The following STARD13 variants were observed in gnomAD, a reference collection of about 807,000 sequenced individuals.
STARD13 encodes StAR related lipid transfer domain containing 13.
In STARD13, 62 loss-of-function variants were observed where a neutral mutation model predicts 106.4. The ratio of observed to expected loss-of-function variants is 0.58; its 90% confidence interval spans 0.48 to 0.72. The LOEUF (loss-of-function observed/expected upper bound fraction) is 0.72, where lower values mean the gene tolerates loss of function less well. Among genes scored for constraint, STARD13 ranks in the 30% least tolerant of loss-of-function variants. The pLI, the probability that STARD13 is intolerant of heterozygous loss-of-function variation, is 0.00. For synonymous variants in STARD13, 565 were observed against 553.0 expected (o/e 1.02, Z -0.31); for missense variants, 1,387 against 1,424.0 (o/e 0.97, Z 0.42).
chr13:33,660,098 G>A, the STARD13 span, among the ~76,000 whole-genome samples: 2 of 152,184 alleles, frequency 1.3e-5, no homozygotes, highest in Admixed American at 6.5e-5. Flanking sequence ...GTAGGCAGGT[G>A]TGGCCAGGCC....
At chr13:33,478,584 C>A in the STARD13 span, among the ~76,000 whole-genome samples, 482 of 151,892 alleles carry the variant, frequency 3.2e-3, 2 homozygotes, top group Non-Finnish European at 5.4e-3. Flanking sequence ...TAAATTTCAT[C>A]CATCTTGATT....
the STARD13 span, among the ~76,000 whole-genome samples, chr13:33,650,164 ATTTTTTTTTTTTTTTTTTTTTTTT>A: frequency 3.7e-3 from 179 of 48,374 alleles, no homozygotes; most frequent in Non-Finnish European, 5.8e-3. Flanking sequence ...CGTGACTCCA[ATTTTTTTTTTTTTTTTTTTTTTTT>A]TTTTTTTTTT....
At chr13:33,492,014 G>A in the STARD13 span, among the ~76,000 whole-genome samples, 1 of 152,112 alleles carries the variant, frequency 6.6e-6, no homozygotes, top group African/African-American at 2.4e-5. Context: ...GTAGGTAAAG[G>A]AAAATTAGTC....
chr13:33,288,149 T>A (rs1594222700), upstream of STARD13, among the ~76,000 whole-genome samples: 4 of 152,194 alleles, frequency 2.6e-5, no homozygotes, highest in South Asian at 8.3e-4. Flanking sequence ...TTTTGCATAG[T>A]CATGAATGTG....
chr13:33,216,138 C>G (rs1888027054), intron 1 of STARD13, among the ~76,000 whole-genome samples: 1 of 152,146 alleles, frequency 6.6e-6, no homozygotes, highest in Non-Finnish European at 1.5e-5. Context: ...AATACAACCA[C>G]TCTGGAAAAC....
chr13:33,249,136 GA>G (rs969806776), intron 1 of STARD13, among the ~76,000 whole-genome samples: 22 of 151,938 alleles, frequency 1.4e-4, no homozygotes, highest in Admixed American at 4.6e-4. Flanking sequence ...TTAAAATGAG[GA>G]AAAAAAAGTT....
chr13:33,431,434 T>C, the STARD13 span, among the ~76,000 whole-genome samples: 3 of 152,232 alleles, frequency 2.0e-5, no homozygotes, highest in East Asian at 5.8e-4. Flanking sequence ...ATGAAACTTA[T>C]GGATAATTTT....
chr13:33,356,321 G>C, the STARD13 span, among the ~76,000 whole-genome samples: 1 of 152,208 alleles, frequency 6.6e-6, no homozygotes, highest in African/African-American at 2.4e-5. Flanking sequence ...TGTTATGACT[G>C]TCTTAGTATA....
chr13:33,472,946 G>A, the STARD13 span, among the ~76,000 whole-genome samples: 1 of 152,228 alleles, frequency 6.6e-6, no homozygotes, highest in East Asian at 1.9e-4. Context: ...GGCAGTTTAG[G>A]TATTCTTTGA....
At chr13:33,208,603 C>T (rs1005509099) in intron 1 of STARD13, among the ~76,000 whole-genome samples, 7 of 151,956 alleles carry the variant, frequency 4.6e-5, no homozygotes, top group East Asian at 3.9e-4. Flanking sequence ...ACAGTCTGAG[C>T]GGTGAGAGCT....
intron 3 of STARD13, among the ~76,000 whole-genome samples, chr13:33,161,664 G>T (rs1326252303): frequency 1.3e-5 from 2 of 152,116 alleles, no homozygotes; most frequent in African/African-American, 4.8e-5. Flanking sequence ...GGAGGCATTT[G>T]TCAAAGCTCA....
chr13:33,452,324 C>A, the STARD13 span, among the ~76,000 whole-genome samples: 1 of 151,428 alleles, frequency 6.6e-6, no homozygotes, highest in Admixed American at 6.6e-5. Flanking sequence ...AGGGCTGGAG[C>A]TGGAGCTGGG....
the STARD13 span, among the ~76,000 whole-genome samples, chr13:33,662,743 A>G: frequency 6.6e-6 from 1 of 152,220 alleles, no homozygotes; most frequent in African/African-American, 2.4e-5. Flanking sequence ...AAGATCACAC[A>G]AGGTTAAAAC....
chr13:33,553,769 G>A, the STARD13 span, among the ~76,000 whole-genome samples: 7 of 151,512 alleles, frequency 4.6e-5, no homozygotes, highest in Admixed American at 1.3e-4. Flanking sequence ...TAGTAGAGAC[G>A]GGGTTTCACC....
upstream of STARD13, chr13:33,350,678 C>T: frequency 8.6e-7 from 1 of 1,162,100 alleles, no homozygotes; most frequent in Non-Finnish European, 1.1e-6. Context: ...CTTTCCTTCT[C>T]CTCCCCTCCT....
chr13:33,170,136 T>C (rs964762930), intron 1 of STARD13, among the ~76,000 whole-genome samples: 1 of 152,132 alleles, frequency 6.6e-6, no homozygotes, highest in Non-Finnish European at 1.5e-5. Context: ...TTTGTACATT[T>C]TTAAATAACT....
At chr13:33,351,003 T>G (rs755732707), upstream of STARD13, among the ~76,000 whole-genome samples, 2 of 152,102 alleles carry the variant, frequency 1.3e-5, no homozygotes, top group Admixed American at 6.5e-5. Context: ...CTCATCCCAG[T>G]TTCCCTAAAT....
chr13:33,367,083 T>G, the STARD13 span, among the ~76,000 whole-genome samples: 1 of 152,244 alleles, frequency 6.6e-6, no homozygotes, highest in African/African-American at 2.4e-5. Context: ...GCCAAGTGAT[T>G]AATGGCAGCA....
At chr13:33,356,772 T>C in the STARD13 span, among the ~76,000 whole-genome samples, 2 of 152,220 alleles carry the variant, frequency 1.3e-5, no homozygotes, top group Non-Finnish European at 2.9e-5. Context: ...GAGATTCCAG[T>C]CCAGCCAAAT....
Sources: gnomAD v4.1 joint callset for allele counts (sites outside exome capture counted in the v4.1 genomes callset) on GRCh38, gnomAD v4.1.1 for gene constraint, MANE v1.5 for transcripts, NCBI Gene and HGNC (gene_info 2026-07-23, HGNC 2026-07-21) for gene names.